BRINP3: variants seen among roughly 807,000 people sequenced by gnomAD.
BRINP3 encodes the protein BMP/retinoic acid-inducible neural-specific protein 3.
Under a neutral mutation model 71.0 loss-of-function variants are expected in BRINP3, and 19 were observed. That is an observed-to-expected ratio of 0.27 (90% confidence interval 0.19 to 0.39). The LOEUF (loss-of-function observed/expected upper bound fraction) is 0.39. Ranked by LOEUF, BRINP3 falls within the 10% of genes least tolerant of loss-of-function variation. The pLI, the probability that BRINP3 is intolerant of heterozygous loss-of-function variation, is 1.00. For missense variants in BRINP3, 959 were observed against 940.8 expected, an observed-to-expected ratio of 1.02 and a Z score of -0.25; for synonymous variants, 380 against 337.7, an observed-to-expected ratio of 1.13 and a Z score of -1.37.
At chr1:190,464,924 CCT>C (rs1268493255) in intron 1 of BRINP3, among the ~76,000 whole-genome samples, 2 of 151,888 alleles carry the variant, frequency 1.3e-5, no homozygotes, top group African/African-American at 4.8e-5. Flanking sequence ...GGTTAGTATT[CCT>C]CTGAGAAATG....
At chr1:190,210,140 C>T (rs920275193) in intron 6 of BRINP3, among the ~76,000 whole-genome samples, 1 of 152,036 alleles carries the variant, frequency 6.6e-6, no homozygotes, top group African/African-American at 2.4e-5. Context: ...TAACCCTTGT[C>T]ATGGCTTCTA....
intron 6 of BRINP3, among the ~76,000 whole-genome samples, chr1:190,161,308 A>T (rs1650919075): frequency 6.6e-6 from 1 of 151,896 alleles, no homozygotes; most frequent in Non-Finnish European, 1.5e-5. Flanking sequence ...CTTTTCAGAA[A>T]TTTTTATTAA....
At chr1:190,397,175 C>G (rs927908351) in intron 2 of BRINP3, among the ~76,000 whole-genome samples, 3 of 151,926 alleles carry the variant, frequency 2.0e-5, no homozygotes, top group African/African-American at 7.3e-5. Flanking sequence ...CCCTTTGCAG[C>G]CTCTCTTACC....
intron 2 of BRINP3, among the ~76,000 whole-genome samples, chr1:190,307,733 T>A (rs1665219445): frequency 6.6e-6 from 1 of 151,948 alleles, no homozygotes; most frequent in Admixed American, 6.6e-5. Flanking sequence ...TATTAAGAAG[T>A]AACTTTCTTT....
At chr1:190,382,904 C>T (rs955860949) in intron 2 of BRINP3, among the ~76,000 whole-genome samples, 5 of 152,118 alleles carry the variant, frequency 3.3e-5, no homozygotes, top group African/African-American at 1.2e-4. Flanking sequence ...ACAGTTCCTT[C>T]AATTCACTGT....
At chr1:190,382,667 G>A (rs1331961141) in intron 2 of BRINP3, among the ~76,000 whole-genome samples, 1 of 152,060 alleles carries the variant, frequency 6.6e-6, no homozygotes, top group African/African-American at 2.4e-5. Context: ...TCCTTTATCT[G>A]ACAATTCAAA....
intron 2 of BRINP3, 45 bp downstream of exon 2, chr1:190,454,610 C>T: frequency 2.0e-6 from 3 of 1,528,108 alleles, no homozygotes; most frequent in Non-Finnish European, 2.7e-6. Context: ...TATACACAAC[C>T]TTCAAGGATG....
chr1:190,135,734 T>C (rs571056939), intron 7 of BRINP3, among the ~76,000 whole-genome samples: 9 of 152,226 alleles, frequency 5.9e-5, no homozygotes, highest in Admixed American at 3.3e-4. Context: ...TTACAAATTA[T>C]AAATTAATAA....
At chr1:190,407,846 A>C (rs946726644) in intron 2 of BRINP3, among the ~76,000 whole-genome samples, 1 of 152,110 alleles carries the variant, frequency 6.6e-6, no homozygotes, top group African/African-American at 2.4e-5. Flanking sequence ...GCCCTGTATT[A>C]TATACAAATT....
At chr1:190,440,900 A>T (rs1329048380) in intron 2 of BRINP3, among the ~76,000 whole-genome samples, 1 of 152,030 alleles carries the variant, frequency 6.6e-6, no homozygotes, top group Non-Finnish European at 1.5e-5. Context: ...TCTAATAAAA[A>T]ACTGAAATCT....
intron 1 of BRINP3, among the ~76,000 whole-genome samples, chr1:190,470,642 A>G (rs1171592783): frequency 4.0e-5 from 6 of 151,212 alleles, no homozygotes; most frequent in African/African-American, 1.2e-4. Flanking sequence ...TATTGAAAAT[A>G]ACAATGAAAT....
At chr1:190,157,613 T>C (rs1187250622) in intron 7 of BRINP3, among the ~76,000 whole-genome samples, 1 of 152,098 alleles carries the variant, frequency 6.6e-6, no homozygotes, top group Non-Finnish European at 1.5e-5. Flanking sequence ...GTTTTCAAAT[T>C]GCTTTTAACC....
intron 2 of BRINP3, among the ~76,000 whole-genome samples, chr1:190,448,643 T>C (rs1179503766): frequency 6.6e-6 from 1 of 151,828 alleles, no homozygotes; most frequent in Non-Finnish European, 1.5e-5. Context: ...TCTTTTTACT[T>C]TTTATGTTGG....
intron 2 of BRINP3, among the ~76,000 whole-genome samples, chr1:190,453,260 G>A (rs1479105554): frequency 9.2e-6 from 1 of 108,116 alleles, no homozygotes; most frequent in Non-Finnish European, 1.7e-5. Flanking sequence ...TCGCTCTGTC[G>A]CCCAGGCTGG....
At chr1:190,470,459 G>A (rs1298435688) in intron 1 of BRINP3, among the ~76,000 whole-genome samples, 1 of 150,894 alleles carries the variant, frequency 6.6e-6, no homozygotes, top group African/African-American at 2.4e-5. Flanking sequence ...GCTATTAAAA[G>A]GAATTTGTTT....
At chr1:190,229,193 A>T (rs550267488) in intron 5 of BRINP3, among the ~76,000 whole-genome samples, 1 of 152,122 alleles carries the variant, frequency 6.6e-6, no homozygotes, top group African/African-American at 2.4e-5. Flanking sequence ...ACAAAATCTC[A>T]CTTTGAACTG....
At chr1:190,341,617 G>T (rs548372534) in intron 2 of BRINP3, among the ~76,000 whole-genome samples, 26 of 151,730 alleles carry the variant, frequency 1.7e-4, no homozygotes, top group Non-Finnish European at 3.1e-4. Flanking sequence ...CATTACTCTA[G>T]ATTTCAAAGA....
At chr1:190,234,778 G>GCC (rs1658358604) in intron 4 of BRINP3, among the ~76,000 whole-genome samples, 1 of 151,924 alleles carries the variant, frequency 6.6e-6, no homozygotes. Context: ...TATAAAAAAG[G>GCC]CCCACTCCTT....
chr1:190,330,239 G>A (rs1016059487), intron 2 of BRINP3, among the ~76,000 whole-genome samples: 3 of 151,834 alleles, frequency 2.0e-5, no homozygotes, highest in African/African-American at 7.3e-5. Flanking sequence ...CTATGCATGC[G>A]ACAAAGGCCT....
Sources: gnomAD v4.1 joint callset for allele counts (sites outside exome capture counted in the v4.1 genomes callset) on GRCh38, gnomAD v4.1.1 for gene constraint, MANE v1.5 for transcripts, NCBI Gene and HGNC (gene_info 2026-07-23, HGNC 2026-07-21) for gene names.